SEMA3E: variants seen among roughly 807,000 people sequenced by gnomAD.
SEMA3E encodes the protein semaphorin-3E.
In SEMA3E, 49 loss-of-function variants were observed where a neutral mutation model predicts 93.6. That is an observed-to-expected ratio of 0.52 (90% CI 0.42 to 0.66). The LOEUF (loss-of-function observed/expected upper bound fraction) is 0.66, where lower values mean the gene tolerates loss of function less well. SEMA3E is among the 30% of genes least tolerant of loss of function. The probability of loss-of-function intolerance (pLI) is 0.00; values close to 1 mark genes in which losing one functional copy is unlikely to be tolerated. For synonymous variants in SEMA3E, 363 were observed against 330.7 expected, an observed-to-expected ratio of 1.10 and a Z score of -1.06; for missense variants, 906 against 964.8, an observed-to-expected ratio of 0.94 and a Z score of 0.81.
chr7:83,395,764 G>A (rs1458231609), intron 12 of SEMA3E, among the ~76,000 whole-genome samples: 3 of 109,672 alleles, frequency 2.7e-5, no homozygotes, highest in Admixed American at 1.0e-4. Flanking sequence ...GTGCCTTAAC[G>A]TTGAAAACTC....
chr7:83,462,660 C>A (rs56271028), intron 4 of SEMA3E, among the ~76,000 whole-genome samples: 2 of 151,592 alleles, frequency 1.3e-5, no homozygotes, highest in African/African-American at 4.9e-5. Context: ...TATCCCATCC[C>A]GCAGCACGCT....
chr7:83,424,181 A>T (rs1788725249), intron 4 of SEMA3E, among the ~76,000 whole-genome samples: 1 of 152,158 alleles, frequency 6.6e-6, no homozygotes, highest in South Asian at 2.1e-4. Context: ...AGACAACGTC[A>T]GATTAGATTG....
intron 16 of SEMA3E, among the ~76,000 whole-genome samples, chr7:83,383,120 C>T (rs1196276667): frequency 1.3e-5 from 2 of 151,572 alleles, no homozygotes; most frequent in Non-Finnish European, 2.9e-5. Flanking sequence ...AGAGATGAAC[C>T]CTGATGAGCA....
chr7:83,514,206 T>C (rs1361576190), intron 1 of SEMA3E, among the ~76,000 whole-genome samples: 1 of 152,140 alleles, frequency 6.6e-6, no homozygotes, highest in Non-Finnish European at 1.5e-5. Flanking sequence ...AATCCACCCC[T>C]TGTTTAGCAT....
At chr7:83,420,094 C>G (rs1320101937) in intron 4 of SEMA3E, among the ~76,000 whole-genome samples, 2 of 152,086 alleles carry the variant, frequency 1.3e-5, no homozygotes, top group Non-Finnish European at 2.9e-5. Context: ...AATAAAGTTT[C>G]AAGATACAAA....
At chr7:83,501,810 C>T (rs1449859661) in intron 1 of SEMA3E, among the ~76,000 whole-genome samples, 4 of 152,168 alleles carry the variant, frequency 2.6e-5, no homozygotes, top group Non-Finnish European at 5.9e-5. Context: ...CATGTTTTCT[C>T]TAGTTAATAA....
At chr7:83,485,223 T>C (rs1240131930) in intron 2 of SEMA3E, among the ~76,000 whole-genome samples, 1 of 152,242 alleles carries the variant, frequency 6.6e-6, no homozygotes, top group South Asian at 2.1e-4. Context: ...GCTATATTCA[T>C]ATGATGGAAC....
intron 1 of SEMA3E, among the ~76,000 whole-genome samples, chr7:83,568,926 A>G (rs1435296521): frequency 6.6e-6 from 1 of 152,102 alleles, no homozygotes; most frequent in Non-Finnish European, 1.5e-5. Flanking sequence ...GATTGGAAAA[A>G]AGGAAGTCAC....
At chr7:83,385,176 A>G in intron 16 of SEMA3E, 118 bp downstream of exon 16, 1 of 991,540 alleles carries the variant, frequency 1.0e-6, no homozygotes, top group Non-Finnish European at 1.5e-6. Flanking sequence ...GACTTATTAA[A>G]TAAGGCATGC....
intron 1 of SEMA3E, among the ~76,000 whole-genome samples, chr7:83,587,058 A>AGTTT (rs1352669825): frequency 6.6e-6 from 1 of 152,180 alleles, no homozygotes; most frequent in African/African-American, 2.4e-5. Context: ...CTTAGAATCC[A>AGTTT]GTTTGTCTTT....
intron 1 of SEMA3E, among the ~76,000 whole-genome samples, chr7:83,608,087 C>A (rs1426778787): frequency 6.6e-6 from 1 of 151,928 alleles, no homozygotes; most frequent in Non-Finnish European, 1.5e-5. Context: ...TGACATGCAC[C>A]TGTCAATCCT....
chr7:83,368,761 C>T (rs1444856887), intron 16 of SEMA3E, among the ~76,000 whole-genome samples: 1 of 152,138 alleles, frequency 6.6e-6, no homozygotes, highest in Admixed American at 6.6e-5. Flanking sequence ...CACATTATTT[C>T]TATAAATAAA....
At chr7:83,461,381 C>T (rs1789613250) in intron 4 of SEMA3E, among the ~76,000 whole-genome samples, 1 of 152,108 alleles carries the variant, frequency 6.6e-6, no homozygotes. Flanking sequence ...CCAATTCTAC[C>T]TCAGCCTCTG....
At position 83,366,801 on chromosome 7, in the gene SEMA3E, A is replaced by G. The variant is rs1794676151; in HGVS notation, c.*785T>C. ...AGAGAAAAAAGAAATGTGTGAGAAT[A>G]TAATTTTTTTTACCACAAGAGGGAA... is the stretch of plus-strand genomic sequence containing the variant. On this transcript the variant is annotated 3_prime_UTR_variant, in exon 17 of 17. Coordinates refer to ENST00000643230, the MANE Select transcript of SEMA3E (RefSeq NM_012431.3). 1 of 152,310 alleles carries G rather than the reference A, an allele frequency of 6.6e-6. No homozygotes were observed. The highest frequency in any genetic ancestry group is 2.1e-4 in the South Asian group (1 of 4,826). 9.4% of individuals were successfully genotyped at this position (152,310 alleles called of 1,614,324 possible).
chr7:83,527,679 C>T (rs777324480), intron 1 of SEMA3E, among the ~76,000 whole-genome samples: 31 of 152,210 alleles, frequency 2.0e-4, no homozygotes, highest in Middle Eastern at 3.4e-3. Flanking sequence ...AATTTTCAAT[C>T]ATAATTGGTA....
chr7:83,543,139 GTTA>G (rs950054018), intron 1 of SEMA3E, among the ~76,000 whole-genome samples: 3 of 151,978 alleles, frequency 2.0e-5, no homozygotes, highest in African/African-American at 7.3e-5. Flanking sequence ...GTAAGTGATG[GTTA>G]TTATTATTGA....
intron 1 of SEMA3E, among the ~76,000 whole-genome samples, chr7:83,497,876 A>G (rs115615003): frequency 0.013 from 2,040 of 152,310 alleles, 59 homozygotes; most frequent in African/African-American, 0.046. Context: ...TCAGATATAC[A>G]TAGGAATAGC....
intron 4 of SEMA3E, among the ~76,000 whole-genome samples, chr7:83,426,633 T>C (rs1788773659): frequency 6.6e-6 from 1 of 152,098 alleles, no homozygotes. Flanking sequence ...CATATACACA[T>C]GTAACAAACC....
chr7:83,572,772 G>A (rs1461372423), intron 1 of SEMA3E, among the ~76,000 whole-genome samples: 1 of 152,108 alleles, frequency 6.6e-6, no homozygotes, highest in Non-Finnish European at 1.5e-5. Context: ...ATAAGCAACG[G>A]GGAAAGGATT....
Sources: allele counts gnomAD v4.1 joint callset (sites outside exome capture counted in the v4.1 genomes callset), GRCh38; gene constraint gnomAD v4.1.1; transcripts MANE v1.5; gene names NCBI Gene and HGNC (gene_info 2026-07-23, HGNC 2026-07-21).